The following VTI1A variants were observed in gnomAD, a reference collection of about 807,000 sequenced individuals.
VTI1A encodes vesicle transport through interaction with t-SNAREs 1A.
A neutral mutation model predicts 34.9 loss-of-function variants in VTI1A; 22 were observed. The ratio of observed to expected loss-of-function variants is 0.63; its 90% CI spans 0.45 to 0.90. The LOEUF is 0.90. VTI1A is among the 40% of genes least tolerant of loss of function. VTI1A has a pLI of 0.00. For missense variants in VTI1A, 268 were observed against 275.6 expected (o/e 0.97, Z 0.20); for synonymous variants, 87 against 97.3 (o/e 0.89, Z 0.62).
intron 5 of VTI1A, among the ~76,000 whole-genome samples, chr10:112,629,001 T>C (rs1178339329): frequency 6.6e-6 from 1 of 152,190 alleles, no homozygotes; most frequent in Non-Finnish European, 1.5e-5. Context: ...ACCCATTACC[T>C]CTCTTATCAT....
intron 5 of VTI1A, among the ~76,000 whole-genome samples, chr10:112,570,906 C>A (rs1037639947): frequency 6.6e-6 from 1 of 152,176 alleles, no homozygotes; most frequent in Non-Finnish European, 1.5e-5. Context: ...GTGCCTGGCA[C>A]CATGTTAAAG....
intron 3 of VTI1A, among the ~76,000 whole-genome samples, chr10:112,474,701 C>T (rs1052717251): frequency 3.3e-5 from 5 of 152,064 alleles, no homozygotes; most frequent in African/African-American, 1.2e-4. Context: ...AAGTGATCCT[C>T]CAGTCTCAGC....
chr10:112,447,541 G>A, intron 1 of VTI1A, 74 bp downstream of exon 1: 2 of 1,526,910 alleles, frequency 1.3e-6, no homozygotes, highest in Non-Finnish European at 1.8e-6. Flanking sequence ...CGCCGCCCGA[G>A]TAAGTGTGTC....
intron 7 of VTI1A, among the ~76,000 whole-genome samples, chr10:112,736,111 G>GTGTGTATATATATATATATA (rs778802494): frequency 4.3e-5 from 5 of 116,222 alleles, no homozygotes; most frequent in African/African-American, 1.9e-4. Flanking sequence ...ATGTGTGTGT[G>GTGTGTATATATATATATATA]TATATATATA....
chr10:112,596,810 T>A (rs1389356015), intron 5 of VTI1A, among the ~76,000 whole-genome samples: 1 of 152,230 alleles, frequency 6.6e-6, no homozygotes, highest in Non-Finnish European at 1.5e-5. Flanking sequence ...TTTTTGCTGA[T>A]GTGTTTATGT....
chr10:112,697,219 G>T (rs1019917331), intron 7 of VTI1A, among the ~76,000 whole-genome samples: 1 of 149,854 alleles, frequency 6.7e-6, no homozygotes, highest in African/African-American at 2.5e-5. Context: ...TTCCAGACAG[G>T]GTCTTGCTCT....
At chr10:112,805,428 A>G (rs926449996) in intron 7 of VTI1A, among the ~76,000 whole-genome samples, 1 of 152,234 alleles carries the variant, frequency 6.6e-6, no homozygotes, top group Admixed American at 6.5e-5. Context: ...GCTTTACACT[A>G]CGAGAACAAA....
At chr10:112,699,743 G>A (rs988606968) in intron 7 of VTI1A, among the ~76,000 whole-genome samples, 6 of 151,636 alleles carry the variant, frequency 4.0e-5, no homozygotes, top group Non-Finnish European at 5.9e-5. Context: ...AGGCAGAATC[G>A]CTTGAACCCA....
At chr10:112,738,615 C>A (rs1850583738) in intron 7 of VTI1A, among the ~76,000 whole-genome samples, 1 of 152,154 alleles carries the variant, frequency 6.6e-6, no homozygotes, top group African/African-American at 2.4e-5. Flanking sequence ...TAAAATTAAT[C>A]TTTTCTCCCC....
chr10:112,711,033 T>G (rs1590101163), intron 7 of VTI1A, among the ~76,000 whole-genome samples: 1 of 152,244 alleles, frequency 6.6e-6, no homozygotes, highest in African/African-American at 2.4e-5. Flanking sequence ...TTTAAACCAC[T>G]GCATTCCATT....
At chr10:112,793,307 T>C (rs1286284770) in intron 7 of VTI1A, among the ~76,000 whole-genome samples, 2 of 152,236 alleles carry the variant, frequency 1.3e-5, no homozygotes, top group Admixed American at 1.3e-4. Flanking sequence ...AAAGTGTCGA[T>C]GTTATGGGCT....
chr10:112,494,851 T>C (rs1166805875), intron 3 of VTI1A, among the ~76,000 whole-genome samples: 1 of 152,140 alleles, frequency 6.6e-6, no homozygotes, highest in Non-Finnish European at 1.5e-5. Context: ...TGTTTAAAGC[T>C]CTAAATTTTC....
At chr10:112,492,742 A>C (rs112861930) in intron 3 of VTI1A, among the ~76,000 whole-genome samples, 251 of 151,360 alleles carry the variant, frequency 1.7e-3, no homozygotes, top group African/African-American at 5.9e-3. Flanking sequence ...AGCCAAGACC[A>C]CGCCACTGCA....
rs149267139 is a variant in VTI1A, at chr10:112,815,707, G to A, written c.*324G>A. ...TAGCCCTCTGGACGTGTCAAGGGCCGTGGTTTGGGAGAGGACATGATGAGT... is the reference window on the plus strand; with the variant it reads ...TAGCCCTCTGGACGTGTCAAGGGCCATGGTTTGGGAGAGGACATGATGAGT... On this transcript the variant is annotated 3_prime_UTR_variant, in exon 8 of 8. Coordinates refer to ENST00000393077, the MANE Select transcript of VTI1A (RefSeq NM_145206.4). The A allele has an allele frequency of 1.3e-3, 415 of 318,322 alleles. No individual in the cohort carries two copies. The highest frequency in any genetic ancestry group is 8.0e-3 in the African/African-American group (383 of 47,886). 19.7% of individuals were successfully genotyped at this position (318,322 alleles called of 1,614,324 possible).
intron 7 of VTI1A, among the ~76,000 whole-genome samples, chr10:112,699,691 T>A (rs35679727): frequency 6.6e-6 from 1 of 150,998 alleles, no homozygotes; most frequent in South Asian, 2.1e-4. Flanking sequence ...ATTAGCTGGG[T>A]GTGGTGGCAC....
chr10:112,766,883 G>A (rs1423884978), intron 7 of VTI1A, among the ~76,000 whole-genome samples: 1 of 152,198 alleles, frequency 6.6e-6, no homozygotes, highest in African/African-American at 2.4e-5. Flanking sequence ...GGAAGCTAAG[G>A]ATTTCTTCAT....
At chr10:112,587,926 T>C (rs1844221895) in intron 5 of VTI1A, among the ~76,000 whole-genome samples, 1 of 152,056 alleles carries the variant, frequency 6.6e-6, no homozygotes, top group African/African-American at 2.4e-5. Flanking sequence ...TTTTTTTTTT[T>C]ACCCTTAACT....
chr10:112,761,999 G>A (rs1427614875), intron 7 of VTI1A, among the ~76,000 whole-genome samples: 1 of 152,066 alleles, frequency 6.6e-6, no homozygotes, highest in Non-Finnish European at 1.5e-5. Flanking sequence ...CCCCTCCAAA[G>A]AAGTTAAATG....
chr10:112,821,493 C>T (rs368084348), downstream of VTI1A, among the ~76,000 whole-genome samples: 7 of 152,222 alleles, frequency 4.6e-5, no homozygotes, highest in Middle Eastern at 3.4e-3. Flanking sequence ...TTTTTCGTGA[C>T]GAGGCCCCAC....
Sources: gnomAD v4.1 joint callset for allele counts (sites outside exome capture counted in the v4.1 genomes callset) on GRCh38, gnomAD v4.1.1 for gene constraint, MANE v1.5 for transcripts, NCBI Gene and HGNC (gene_info 2026-07-23, HGNC 2026-07-21) for gene names.